The following PSG5 variants were observed in gnomAD, a reference collection of about 807,000 sequenced individuals.
PSG5 encodes pregnancy specific beta-1-glycoprotein 5, also known as pregnancy-specific beta-1-glycoprotein 5.
In PSG5, 53 loss-of-function variants were observed where a neutral mutation model predicts 37.7. The observed-to-expected ratio is 1.41, with a 90% confidence interval of 1.13 to 1.77. The LOEUF (loss-of-function observed/expected upper bound fraction) is 1.77, where lower values mean the gene tolerates loss of function less well. PSG5 is among the 40% of genes most tolerant of loss of function. The probability of loss-of-function intolerance (pLI) is 0.00; values close to 1 mark genes in which losing one functional copy is unlikely to be tolerated. For missense variants in PSG5, 547 were observed against 405.2 expected (o/e 1.35, Z -3.00); for synonymous variants, 221 against 155.4 (o/e 1.42, Z -3.14).
chr19:43,174,543 C>A lies in PSG5; in HGVS notation c.964+672G>T, dbSNP rs530902562. On this transcript the variant is annotated intron_variant, in intron 4 of 5. Transcript: ENST00000342951. ...ACAACCGGTGACTTCAGAGCCAGGA[C>A]GCAACGCAGGAGTCTTCCCTGAGGC... 15 of 867,798 alleles carry A rather than the reference C, an allele frequency of 1.7e-5. 1 individual carries two copies. Among genetic ancestry groups the A allele is most frequent in the African/African-American group, 3.7e-5 (2 of 53,974 alleles). 53.8% of individuals were successfully genotyped at this position (867,798 alleles called of 1,614,324 possible).
intron 2 of PSG5, among the ~76,000 whole-genome samples, chr19:43,182,793 T>G (rs903924126): frequency 4.8e-5 from 7 of 144,792 alleles, no homozygotes; most frequent in Non-Finnish European, 1.1e-4. Context: ...CCTGTCCCAT[T>G]GTCTTGTCCA....
intron 2 of PSG5, among the ~76,000 whole-genome samples, chr19:43,176,588 G>C (rs891821405): frequency 1.3e-5 from 2 of 151,450 alleles, no homozygotes; most frequent in African/African-American, 2.4e-5. Flanking sequence ...TTCTAGAGAT[G>C]AGTAATAATG....
rs747243752 is a variant in PSG5 at position 43,176,557 on chromosome 19, C to T, written c.431-409G>A. On this transcript the variant is annotated intron_variant, in intron 2 of 5. Coordinates refer to ENST00000342951, the MANE Select transcript of PSG5 (RefSeq NM_002781.4). ...TGTCCCCCTATATGTGATTTCTCTG[C>T]AGCTCCCATTTCCAAGGACATTCTA... is the stretch of plus-strand genomic sequence containing the variant. Among the ~76,000 whole-genome samples the T allele has an allele frequency of 4.6e-4, 69 of 151,588 alleles. 1 individual carries two copies. The highest frequency in any genetic ancestry group is 8.4e-4 in the Non-Finnish European group (57 of 67,916).
Position 43,168,923 on chromosome 19 carries a change from C to T in PSG5, c.*41-720G>A. Among the ~76,000 whole-genome samples the T allele has an allele frequency of 1.3e-5, 2 of 151,498 alleles. 1 individual carries two copies. Among genetic ancestry groups the T allele is most frequent in the Non-Finnish European group, 2.9e-5 (2 of 67,870 alleles). On this transcript the variant is annotated intron_variant, in intron 5 of 5. Transcript: ENST00000342951. Reference sequence around the variant, plus strand: ...AATTCCAGTACTTCTAGCTGAAAATCATTCATTTAGTTTTAAGTTCTACCT... The same window carrying T: ...AATTCCAGTACTTCTAGCTGAAAATTATTCATTTAGTTTTAAGTTCTACCT...
In PSG5 at chr19:43,175,375, C is replaced by T. The variant is rs749545445; in HGVS notation, c.804G>A (p.Pro268=). 53 of 1,612,704 alleles carry T rather than the reference C, an allele frequency of 3.3e-5. 2 individuals carry two copies. Among genetic ancestry groups the T allele is most frequent in the South Asian group, 4.4e-5 (4 of 91,060 alleles). The part of the protein sequence containing the change: ...YLSCFAESNP[P]AEYFWTINGK... ...CATTAATTGTCCAAAAATACTCTGCCGGTGGGTTAGATTCCGCGAAGCAGG... is the reference window on the plus strand; with the variant it reads ...CATTAATTGTCCAAAAATACTCTGCTGGTGGGTTAGATTCCGCGAAGCAGG... Residue 268 remains proline (P), a synonymous_variant, in exon 4 of 6, where the codon CCG becomes CCA. Transcript: ENST00000342951.
intron 2 of PSG5, 147 bp from the exon 3 acceptor site, chr19:43,176,295 G>C: frequency 2.1e-6 from 3 of 1,413,182 alleles, no homozygotes; most frequent in Non-Finnish European, 2.9e-6. Flanking sequence ...CAAGATAGAT[G>C]CATGATGATC....
Position 43,175,931 on chromosome 19 carries a change from T to C in PSG5, c.648A>G (p.Glu216=). ...CACCATCTCGGTCCCGTATTTCACA[T>C]TCATAGGGTCCTGTTTCATTTCTCG... is the stretch of plus-strand genomic sequence containing the variant. ...SVTRNETGPY[E]CEIRDRDGGM... Residue 216 remains glutamate (E), a synonymous_variant, in exon 3 of 6, where the codon GAA becomes GAG. Transcript: ENST00000342951. The C allele has an allele frequency of 6.2e-7, 1 of 1,612,474 alleles. No homozygotes were observed. Among genetic ancestry groups the C allele is most frequent in the Non-Finnish European group, 8.5e-7 (1 of 1,179,176 alleles).
rs10419153 is a variant in PSG5, at chr19:43,174,544, G to A, written c.964+671C>T. 3.7e-3 allele frequency: 3,219 copies of A among 867,540 alleles called. 166 individuals carry two copies. The African/African-American group carries it at 0.056, about 15-fold the overall frequency. 53.7% of individuals were successfully genotyped at this position (867,540 alleles called of 1,614,324 possible). A position where few individuals can be genotyped will look rare whatever the true frequency, so the allele number is the denominator to read the frequency against. On this transcript the variant is annotated intron_variant, in intron 4 of 5. Coordinates refer to ENST00000342951, the MANE Select transcript of PSG5 (RefSeq NM_002781.4). ...CAACCGGTGACTTCAGAGCCAGGAC[G>A]CAACGCAGGAGTCTTCCCTGAGGCT...
In PSG5 at chr19:43,177,247, G is replaced by T. The variant is rs559602219; in HGVS notation, c.431-1099C>A. Among the ~76,000 whole-genome samples the T allele has an allele frequency of 2.6e-5, 4 of 151,640 alleles. No individual in the cohort carries two copies. In the South Asian group the frequency reaches 8.3e-4, roughly 31 times the overall value. On this transcript the variant is annotated intron_variant, in intron 2 of 5. Coordinates refer to ENST00000342951, the MANE Select transcript of PSG5 (RefSeq NM_002781.4). ...GGGTGTGCAGTTTCAGTTATGCAAGGTGGGGAGGTTATAGAGATTGGCTGT... is the reference window on the plus strand; with the variant it reads ...GGGTGTGCAGTTTCAGTTATGCAAGTTGGGGAGGTTATAGAGATTGGCTGT...
rs2302112 is a variant in PSG5, at chr19:43,184,852, G to A, written c.360C>T (p.Tyr120=). 319,164 of 1,612,104 alleles carry A rather than the reference G, an allele frequency of 0.2. 42,223 individuals are homozygous for A. The highest frequency in any genetic ancestry group is 0.59 in the East Asian group (26,539 of 44,856). Residue 120 remains tyrosine, a synonymous_variant, in exon 2 of 6, where the codon TAC becomes TAT. Transcript: ENST00000342951. The part of the protein sequence containing the change: ...QNVTREDAGS[Y]TLHIIKRGDR... The stretch of plus-strand genomic sequence containing the variant: ...CACCTCGCTTTATGATGTGTAAGGT[G>A]TAGGATCCTGCGTCTTCCCGGGTGA...
chr19:43,182,151 C>G (rs1005833777), intron 2 of PSG5, among the ~76,000 whole-genome samples: 2 of 151,696 alleles, frequency 1.3e-5, no homozygotes, highest in African/African-American at 2.4e-5. Context: ...GCAAGAATCA[C>G]AAAACTTCCT....
At chr19:43,175,034 C>T in intron 4 of PSG5, 181 bp downstream of exon 4, 1 of 1,515,232 alleles carries the variant, frequency 6.6e-7, no homozygotes, top group Non-Finnish European at 8.9e-7. Context: ...CATGAGAAAA[C>T]AGAAAAACAA....
At position 43,175,508 on chromosome 19, in the gene PSG5, A is replaced by T. The variant is rs57854606; in HGVS notation, c.710-39T>A. The T allele has an allele frequency of 8.3e-6, 13 of 1,574,392 alleles. 1 individual carries two copies. Among genetic ancestry groups the T allele is most frequent in the African/African-American group, 6.8e-5 (5 of 73,358 alleles). On this transcript the variant is annotated intron_variant, in intron 3 of 5. Coordinates refer to ENST00000342951, the MANE Select transcript of PSG5 (RefSeq NM_002781.4). ...AATGAAGCCACAGGTGATGTCATCC[A>T]AGGGAAGGGGATGCTCCTGGTCTCT...
intron 4 of PSG5, among the ~76,000 whole-genome samples, chr19:43,172,358 T>C (rs920263546): frequency 2.6e-5 from 4 of 151,636 alleles, no homozygotes; most frequent in African/African-American, 9.7e-5. Flanking sequence ...TTTTGACACT[T>C]TTATTCAACA....
At chr19:43,183,484 A>G in intron 2 of PSG5, 2 of 528,990 alleles carry the variant, frequency 3.8e-6, no homozygotes, top group South Asian at 1.4e-5. Context: ...GAGTGGGGAA[A>G]GAAAACAAAG....
Position 43,185,041 on chromosome 19 carries a change from A to G in PSG5, c.171T>C (p.Asn57=). ...TGTAGCCAGCAAGATTCTGAGGCAA[A>G]TTGTGGACAAGTAGAAGAACATCCT... ...EGKDVLLLVH[N]LPQNLAGYIW... Residue 57 remains asparagine, a synonymous_variant, in exon 2 of 6, where the codon AAT becomes AAC. Coordinates refer to ENST00000342951, the MANE Select transcript of PSG5 (RefSeq NM_002781.4). 1 of 1,612,586 alleles carries G rather than the reference A, an allele frequency of 6.2e-7. No homozygotes were observed. The highest frequency in any genetic ancestry group is 8.5e-7 in the Non-Finnish European group (1 of 1,179,198).
At chr19:43,185,210 C>A (rs970059642) in intron 1 of PSG5, 63 bp from the exon 2 acceptor site, 1 of 1,508,400 alleles carries the variant, frequency 6.6e-7, no homozygotes, top group Non-Finnish European at 8.9e-7. Flanking sequence ...AAAGATGGAG[C>A]CCTGGGTCCT....
chr19:43,181,600 A>G (rs1428593838), intron 2 of PSG5, among the ~76,000 whole-genome samples: 1 of 151,810 alleles, frequency 6.6e-6, no homozygotes. Flanking sequence ...CTGGGACTAC[A>G]GGCATCCGCC....
chr19:43,175,684 T>C, intron 3 of PSG5, 186 bp downstream of exon 3: 1 of 1,400,282 alleles, frequency 7.1e-7, no homozygotes, highest in Non-Finnish European at 9.6e-7. Flanking sequence ...GAGCGCCCCC[T>C]CCCCTTATAT....
Sources: allele counts gnomAD v4.1 joint callset (sites outside exome capture counted in the v4.1 genomes callset), GRCh38; gene constraint gnomAD v4.1.1; transcripts MANE v1.5; gene names NCBI Gene and HGNC (gene_info 2026-07-23, HGNC 2026-07-21).